The following GPATCH2 variants were observed in gnomAD, a reference collection of about 807,000 sequenced individuals.
The protein encoded by GPATCH2 is G-patch domain containing 2.
A neutral mutation model predicts 58.0 loss-of-function variants in GPATCH2; 51 were observed. That is an observed-to-expected ratio of 0.88 (90% confidence interval 0.70 to 1.11). GPATCH2 has a LOEUF of 1.11. GPATCH2 is among the 50% of genes most tolerant of loss of function. The pLI is 0.00. For synonymous variants in GPATCH2, 222 were observed against 218.5 expected, an observed-to-expected ratio of 1.02 and a Z score of -0.14; for missense variants, 625 against 652.2, an observed-to-expected ratio of 0.96 and a Z score of 0.45.
chr1:217,539,041 G>A (rs933745875), intron 5 of GPATCH2, among the ~76,000 whole-genome samples: 1 of 152,110 alleles, frequency 6.6e-6, no homozygotes, highest in African/African-American at 2.4e-5. Flanking sequence ...TATGGCATAT[G>A]AGTTTAATAG....
intron 5 of GPATCH2, among the ~76,000 whole-genome samples, chr1:217,561,272 A>G (rs1472457795): frequency 2.6e-5 from 4 of 152,214 alleles, no homozygotes; most frequent in African/African-American, 9.6e-5. Flanking sequence ...ATCTGCTACA[A>G]AACTTAATAA....
chr1:217,440,735 C>A (rs113035745), intron 9 of GPATCH2, among the ~76,000 whole-genome samples: 13 of 152,252 alleles, frequency 8.5e-5, no homozygotes, highest in Non-Finnish European at 7.4e-5. Context: ...AGAGCCAAAT[C>A]ATGAGTGAAC....
chr1:217,578,148 A>G (rs1666898993), intron 5 of GPATCH2, among the ~76,000 whole-genome samples: 1 of 151,354 alleles, frequency 6.6e-6, no homozygotes, highest in African/African-American at 2.4e-5. Context: ...GGGGGGGATT[A>G]CCAGTTTAAA....
intron 9 of GPATCH2, among the ~76,000 whole-genome samples, chr1:217,436,163 A>G (rs983683442): frequency 1.3e-5 from 2 of 152,050 alleles, no homozygotes; most frequent in African/African-American, 2.4e-5. Context: ...TGGAATGCTT[A>G]TGTATCAAAC....
intron 5 of GPATCH2, among the ~76,000 whole-genome samples, chr1:217,542,114 A>G (rs1664775290): frequency 6.6e-6 from 1 of 152,216 alleles, no homozygotes; most frequent in Admixed American, 6.5e-5. Flanking sequence ...AGATTATACA[A>G]TTTAAGCTTT....
At chr1:217,569,049 ATATT>A (rs1666408754) in intron 5 of GPATCH2, among the ~76,000 whole-genome samples, 1 of 152,162 alleles carries the variant, frequency 6.6e-6, no homozygotes, top group South Asian at 2.1e-4. Context: ...CATTAGTAAA[ATATT>A]CATTAGTAAA....
chr1:217,485,345 G>T (rs191447935), intron 8 of GPATCH2, among the ~76,000 whole-genome samples: 68 of 152,176 alleles, frequency 4.5e-4, no homozygotes, highest in African/African-American at 1.5e-3. Context: ...ACACCCTTAC[G>T]GACAAACCCA....
chr1:217,584,364 T>TACACAC (rs753018177), intron 5 of GPATCH2, among the ~76,000 whole-genome samples: 44 of 121,424 alleles, frequency 3.6e-4, no homozygotes, highest in African/African-American at 1.3e-3. Flanking sequence ...TATATATATA[T>TACACAC]ACACACACAC....
chr1:217,512,980 C>A (rs1027815049), intron 6 of GPATCH2, among the ~76,000 whole-genome samples: 1 of 152,018 alleles, frequency 6.6e-6, no homozygotes, highest in East Asian at 1.9e-4. Flanking sequence ...TTCCTGAATG[C>A]GAACTTTTGT....
intron 5 of GPATCH2, among the ~76,000 whole-genome samples, chr1:217,605,023 CAAAATAAAAT>C (rs368892916): frequency 3.3e-5 from 5 of 151,472 alleles, no homozygotes; most frequent in Admixed American, 6.6e-5. Flanking sequence ...GGCTCTGTCT[CAAAATAAAAT>C]AAAATAAAAT....
chr1:217,555,895 G>A (rs546048032), intron 5 of GPATCH2, among the ~76,000 whole-genome samples: 5 of 152,098 alleles, frequency 3.3e-5, no homozygotes, highest in African/African-American at 9.6e-5. Flanking sequence ...CAAATTTTAC[G>A]GAGGGAGAGA....
chr1:217,621,010 C>T (rs1007043018), intron 1 of GPATCH2, among the ~76,000 whole-genome samples: 2 of 152,134 alleles, frequency 1.3e-5, no homozygotes, highest in Non-Finnish European at 2.9e-5. Context: ...TAGTAATATA[C>T]GTGAAAGTTT....
intron 4 of GPATCH2, 103 bp from the exon 5 acceptor site, chr1:217,610,503 G>C (rs1489889810): frequency 1.4e-6 from 1 of 717,924 alleles, no homozygotes; most frequent in Non-Finnish European, 2.4e-6. Context: ...GTTGGTGGTG[G>C]CGGTGAATGC....
At chr1:217,526,247 A>G (rs1376901468) in intron 5 of GPATCH2, among the ~76,000 whole-genome samples, 1 of 152,198 alleles carries the variant, frequency 6.6e-6, no homozygotes, top group East Asian at 1.9e-4. Context: ...AATATGGTTT[A>G]TATTTAGCAA....
At chr1:217,523,221 AG>A (rs1287576216) in intron 5 of GPATCH2, among the ~76,000 whole-genome samples, 2 of 151,204 alleles carry the variant, frequency 1.3e-5, no homozygotes, top group Admixed American at 6.6e-5. Flanking sequence ...TTTCTCCCAG[AG>A]GGGGATTTGG....
intron 8 of GPATCH2, among the ~76,000 whole-genome samples, chr1:217,482,365 G>C: frequency 6.6e-6 from 1 of 152,204 alleles, no homozygotes; most frequent in East Asian, 1.9e-4. Flanking sequence ...AGAGGGGACA[G>C]GGTATGATGG....
rs1258080050 is a variant in GPATCH2, at chr1:217,494,931, G to T, written c.1207-3181C>A. 3.1e-5 allele frequency: 5 copies of T among 162,352 alleles called. No individual in the cohort carries two copies. In the South Asian group the frequency reaches 6.0e-4, roughly 20 times the overall value. The allele number at this position is 162,352 out of a possible 1,614,324, so 10.1% of individuals were successfully genotyped here. A position where few individuals can be genotyped will look rare whatever the true frequency, so the allele number is the denominator to read the frequency against. The stretch of plus-strand genomic sequence containing the variant: ...TTGGACTCCTATCAGTGTCACAAGT[G>T]AGGTTGCTTTCTGGATTCTGACTCA... On this transcript the variant is annotated intron_variant, in intron 7 of 9. Transcript: ENST00000366935.
intron 8 of GPATCH2, among the ~76,000 whole-genome samples, chr1:217,473,101 C>T (rs1366434201): frequency 1.3e-5 from 2 of 152,192 alleles, no homozygotes; most frequent in Non-Finnish European, 2.9e-5. Context: ...AAACTTCTGT[C>T]CCTTACTACC....
intron 5 of GPATCH2, among the ~76,000 whole-genome samples, chr1:217,570,607 C>T (rs11117883): frequency 0.48 from 72,128 of 151,796 alleles, 18,374 homozygotes; most frequent in East Asian, 0.92. Flanking sequence ...AATTATATTT[C>T]CTTTGTAGCT....
Sources: gnomAD v4.1 joint callset for allele counts (sites outside exome capture counted in the v4.1 genomes callset) on GRCh38, gnomAD v4.1.1 for gene constraint, MANE v1.5 for transcripts, NCBI Gene and HGNC (gene_info 2026-07-23, HGNC 2026-07-21) for gene names.